The following DCC variants were observed in gnomAD, a reference collection of about 807,000 sequenced individuals.
The protein encoded by DCC is DCC netrin 1 receptor.
In DCC, 58 loss-of-function variants were observed where a neutral mutation model predicts 172.5. The observed-to-expected ratio is 0.34, with a 90% CI of 0.27 to 0.42. The LOEUF (loss-of-function observed/expected upper bound fraction) is 0.42. DCC is among the 10% of genes least tolerant of loss of function. DCC has a pLI of 1.00. For synonymous variants in DCC, 709 were observed against 644.5 expected (o/e 1.10, Z -1.52); for missense variants, 1,740 against 1,791.0 (o/e 0.97, Z 0.51).
At chr18:52,968,066 T>C (rs575698304) in intron 5 of DCC, among the ~76,000 whole-genome samples, 28 of 152,324 alleles carry the variant, frequency 1.8e-4, no homozygotes, top group African/African-American at 6.5e-4. Context: ...TATATTATTC[T>C]TCTAGCATTT....
intron 14 of DCC, among the ~76,000 whole-genome samples, chr18:53,336,593 G>A (rs374305870): frequency 2.0e-5 from 3 of 152,134 alleles, no homozygotes; most frequent in African/African-American, 4.8e-5. Context: ...GACTCACATC[G>A]ATAATTCCAA....
chr18:52,600,039 T>C (rs1385048924), intron 1 of DCC, among the ~76,000 whole-genome samples: 1 of 152,232 alleles, frequency 6.6e-6, no homozygotes, highest in Non-Finnish European at 1.5e-5. Flanking sequence ...AAATGAGTTT[T>C]GCTTTATTTC....
chr18:53,317,082 G>T (rs1291524927), intron 13 of DCC, among the ~76,000 whole-genome samples: 1 of 152,192 alleles, frequency 6.6e-6, no homozygotes, highest in Admixed American at 6.5e-5. Flanking sequence ...CTGTGTGTCT[G>T]TCATAAGTAG....
intron 7 of DCC, among the ~76,000 whole-genome samples, chr18:53,116,082 C>T (rs1220025108): frequency 6.6e-6 from 1 of 151,538 alleles, no homozygotes; most frequent in Non-Finnish European, 1.5e-5. Context: ...TTTTGCTGAC[C>T]TGTTACTTAG....
At chr18:53,435,074 A>G in intron 21 of DCC, 70 bp from the exon 22 acceptor site, 1 of 1,181,932 alleles carries the variant, frequency 8.5e-7, no homozygotes, top group South Asian at 1.2e-5. Context: ...GTGTGTTAAA[A>G]TATTTATTCT....
At chr18:53,044,626 C>A (rs1442273069) in intron 5 of DCC, among the ~76,000 whole-genome samples, 1 of 151,802 alleles carries the variant, frequency 6.6e-6, no homozygotes, top group African/African-American at 2.4e-5. Context: ...GGGTTCTCTT[C>A]TCAAAGTACT....
At chr18:53,432,320 G>T (rs531690272) in intron 21 of DCC, among the ~76,000 whole-genome samples, 2 of 152,040 alleles carry the variant, frequency 1.3e-5, no homozygotes, top group Non-Finnish European at 2.9e-5. Context: ...CCCTGTCATG[G>T]CAGGATCCAT....
chr18:52,432,726 C>A (rs980043753), intron 1 of DCC, among the ~76,000 whole-genome samples: 1 of 152,104 alleles, frequency 6.6e-6, no homozygotes, highest in African/African-American at 2.4e-5. Flanking sequence ...ATGGACATTG[C>A]GATTAAATAC....
rs113204573 is a variant in DCC, at chr18:52,889,140, GAT to G, written c.413-16901_413-16900del. Among the ~76,000 whole-genome samples, 272 of 152,078 alleles carry G rather than the reference GAT, an allele frequency of 1.8e-3. 2 individuals are homozygous for G. The highest frequency in any genetic ancestry group is 6.3e-3 in the African/African-American group (263 of 41,502). On this transcript the variant is annotated intron_variant, in intron 2 of 28. Transcript: ENST00000442544. ...GATGTGGAGAACCTCTAATATATAA[GAT>G]ATGGAACTAGGAATTGGAGATGGGG...
intron 2 of DCC, among the ~76,000 whole-genome samples, chr18:52,903,692 C>A (rs750930685): frequency 1.3e-5 from 2 of 152,070 alleles, no homozygotes; most frequent in African/African-American, 2.4e-5. Flanking sequence ...AAATAAAATA[C>A]TAGGGATGAC....
At chr18:53,307,893 G>GTGTA (rs1327232235) in intron 13 of DCC, among the ~76,000 whole-genome samples, 8 of 97,548 alleles carry the variant, frequency 8.2e-5, no homozygotes, top group Non-Finnish European at 1.3e-4. Flanking sequence ...CAATGTGTGT[G>GTGTA]TATGTATATA....
Position 53,402,670 on chromosome 18 carries a change from T to C in DCC, c.2828-116T>C. 3 of 821,270 alleles carry C rather than the reference T, an allele frequency of 3.7e-6. No homozygotes were observed. In the Admixed American group the frequency reaches 5.3e-5, roughly 14 times the overall value. The allele number at this position is 821,270 out of a possible 1,614,324, so 50.9% of individuals were successfully genotyped here. ...TTGAAATAAACTGTAAATGGCAAAATAGACATGATATACTTCTTGATAGAT... is the reference window on the plus strand; with the variant it reads ...TTGAAATAAACTGTAAATGGCAAAACAGACATGATATACTTCTTGATAGAT... On this transcript the variant is annotated intron_variant, in intron 18 of 28. Transcript: ENST00000442544.
At chr18:52,361,643 G>A (rs1209328141) in intron 1 of DCC, among the ~76,000 whole-genome samples, 44 of 152,178 alleles carry the variant, frequency 2.9e-4, no homozygotes, top group Admixed American at 2.8e-3. Context: ...CATATCACAT[G>A]AGAGCATATT....
intron 2 of DCC, among the ~76,000 whole-genome samples, chr18:52,861,515 G>A (rs1016386638): frequency 5.9e-5 from 9 of 152,108 alleles, no homozygotes; most frequent in African/African-American, 2.2e-4. Flanking sequence ...TCCAAATTTT[G>A]GAGAAATCAT....
intron 15 of DCC, among the ~76,000 whole-genome samples, chr18:53,358,358 G>T (rs2057901979): frequency 1.3e-5 from 2 of 151,728 alleles, no homozygotes; most frequent in African/African-American, 4.8e-5. Flanking sequence ...GCAGGCAGTT[G>T]TTTACTTACA....
At chr18:52,996,074 T>C (rs116040567) in intron 5 of DCC, among the ~76,000 whole-genome samples, 22 of 152,166 alleles carry the variant, frequency 1.4e-4, no homozygotes, top group African/African-American at 5.3e-4. Flanking sequence ...AATGGGAGCT[T>C]GGCTGTGGCA....
At chr18:53,467,146 A>T (rs1234673656) in intron 24 of DCC, among the ~76,000 whole-genome samples, 2 of 152,138 alleles carry the variant, frequency 1.3e-5, no homozygotes, top group African/African-American at 4.8e-5. Context: ...TAACCTTATT[A>T]CATAGATATA....
intron 2 of DCC, among the ~76,000 whole-genome samples, chr18:52,798,709 G>C (rs78956168): frequency 0.042 from 6,427 of 151,998 alleles, 195 homozygotes; most frequent in South Asian, 0.14. Context: ...GCAGTGAGGT[G>C]GAAAAGCTGT....
At chr18:52,389,116 A>C (rs1198452992) in intron 1 of DCC, among the ~76,000 whole-genome samples, 1 of 152,036 alleles carries the variant, frequency 6.6e-6, no homozygotes, top group African/African-American at 2.4e-5. Context: ...GCCCACCTGA[A>C]GAGTCACTCT....
Sources: gnomAD v4.1 joint callset for allele counts (sites outside exome capture counted in the v4.1 genomes callset) on GRCh38, gnomAD v4.1.1 for gene constraint, MANE v1.5 for transcripts, NCBI Gene and HGNC (gene_info 2026-07-23, HGNC 2026-07-21) for gene names.